The following ARID3A variants were observed in gnomAD, a reference collection of about 807,000 sequenced individuals.
ARID3A encodes AT-rich interaction domain 3A, also known as AT-rich interactive domain-containing protein 3A.
ARID3A carries 11 observed loss-of-function variants against 52.7 expected under a neutral mutation model. That is an observed-to-expected ratio of 0.21 (90% CI 0.13 to 0.35). ARID3A has a LOEUF of 0.35. ARID3A is among the 10% of genes least tolerant of loss of function. The pLI, the probability that ARID3A is intolerant of heterozygous loss-of-function variation, is 1.00. For missense variants in ARID3A, 721 were observed against 838.5 expected (o/e 0.86, Z 1.73); for synonymous variants, 404 against 359.4 (o/e 1.12, Z -1.40).
chr19:950,755 A>C (rs956993434), intron 3 of ARID3A, among the ~76,000 whole-genome samples: 1 of 151,932 alleles, frequency 6.6e-6, no homozygotes, highest in African/African-American at 2.4e-5. Context: ...CTTCATGGGG[A>C]TTTGGGAGAT....
intron 1 of ARID3A, chr19:928,690 G>A (rs1373415017): frequency 6.6e-6 from 1 of 152,246 alleles, no homozygotes; most frequent in African/African-American, 2.4e-5. Flanking sequence ...CTCCTTGAGT[G>A]CCATGGGTTG....
rs775703671 is a variant in ARID3A at position 964,420 on chromosome 19, C to T, written c.939C>T (p.Thr313=). 1.6e-5 allele frequency: 25 copies of T among 1,598,582 alleles called. No homozygotes were observed. Among genetic ancestry groups the T allele is most frequent in the Non-Finnish European group, 2.1e-5 (25 of 1,172,572 alleles). The part of the protein sequence containing the change: ...LPTSITSAAF[T]LRTQYMKYLY... The stretch of plus-strand genomic sequence containing the variant: ...CGTCCATCACCAGTGCAGCCTTCAC[C>T]CTGCGGACCCAGTGAGTGGCGGACG... Residue 313 remains threonine (T), a synonymous_variant, in exon 5 of 9, where the codon ACC becomes ACT. Coordinates refer to ENST00000263620, the MANE Select transcript of ARID3A (RefSeq NM_005224.3). This position sits in a 1 kb window ranked among gnomAD's most constrained non-coding sequence, Gnocchi z 5.7.
chr19:947,880 T>C lies in ARID3A; in HGVS notation c.694-12212T>C, dbSNP rs2037720441. On this transcript the variant is annotated intron_variant, in intron 3 of 8. Transcript: ENST00000263620. This position sits in a 1 kb window ranked among gnomAD's most constrained non-coding sequence, Gnocchi z 6.3. The stretch of plus-strand genomic sequence containing the variant: ...CCAATTTCCCCACGCCCGGCGGGGC[T>C]CTCAGCATCTGCATCCGCCGAGGCC... 6.6e-6 allele frequency among the ~76,000 whole-genome samples: 1 copy of C among 152,112 alleles called. No homozygotes were observed. Among genetic ancestry groups the C allele is most frequent in the East Asian group, 1.9e-4 (1 of 5,170 alleles).
chr19:953,578 G>A (rs1299016862), intron 3 of ARID3A, among the ~76,000 whole-genome samples: 1 of 152,190 alleles, frequency 6.6e-6, no homozygotes, highest in Non-Finnish European at 1.5e-5. Flanking sequence ...CGTGTAACGG[G>A]GCTCGGGCGT....
intron 3 of ARID3A, among the ~76,000 whole-genome samples, chr19:948,873 C>T (rs925927379): frequency 6.6e-6 from 1 of 152,038 alleles, no homozygotes; most frequent in Non-Finnish European, 1.5e-5. Context: ...CCACGCCCGG[C>T]TAATTTTTGT....
intron 6 of ARID3A, among the ~76,000 whole-genome samples, chr19:966,201 T>C (rs1447712972): frequency 1.3e-5 from 2 of 149,878 alleles, no homozygotes; most frequent in East Asian, 2.0e-4. Flanking sequence ...GGCTCACGCC[T>C]GTAATCCCAG....
intron 6 of ARID3A, 181 bp downstream of exon 6, chr19:965,261 C>A (rs2038125167): frequency 2.9e-6 from 2 of 697,804 alleles, no homozygotes; most frequent in Admixed American, 3.2e-5. Context: ...AATCCATCAC[C>A]ATTTTCTAAT....
At chr19:952,994 C>T (rs113362985) in intron 3 of ARID3A, among the ~76,000 whole-genome samples, 1 of 152,176 alleles carries the variant, frequency 6.6e-6, no homozygotes, top group African/African-American at 2.4e-5. Context: ...GTGCTGGCCC[C>T]GGCCACCCTC....
At chr19:953,378 G>A (rs981806646) in intron 3 of ARID3A, among the ~76,000 whole-genome samples, 8 of 151,330 alleles carry the variant, frequency 5.3e-5, no homozygotes, top group African/African-American at 1.5e-4. Flanking sequence ...GCCACCACCC[G>A]AGCCCCGCCA....
chr19:957,720 T>G, intron 3 of ARID3A, among the ~76,000 whole-genome samples: 1 of 152,184 alleles, frequency 6.6e-6, no homozygotes, highest in Non-Finnish European at 1.5e-5. Context: ...GGCGAGTGCC[T>G]GTGGTCCCAG....
At chr19:930,841 C>T (rs2037312036) in intron 2 of ARID3A, among the ~76,000 whole-genome samples, 1 of 151,332 alleles carries the variant, frequency 6.6e-6, no homozygotes, top group African/African-American at 2.4e-5. Flanking sequence ...CTTAAAGCAA[C>T]CTAGCCACCG....
intron 2 of ARID3A, among the ~76,000 whole-genome samples, chr19:932,001 C>CTTT (rs35576679): frequency 2.7e-5 from 4 of 146,624 alleles, no homozygotes; most frequent in Admixed American, 6.8e-5. Context: ...TAATGATTCC[C>CTTT]TTTTTTTTTT....
Position 929,865 on chromosome 19 carries a change from C to A in ARID3A, c.337C>A (p.His113Asn). 1 of 1,543,818 alleles carries A rather than the reference C, an allele frequency of 6.5e-7. No homozygotes were observed. Among genetic ancestry groups the A allele is most frequent in the Non-Finnish European group, 8.7e-7 (1 of 1,146,940 alleles). ...AGGCAGAGAAGGGCCAGGAGAGGAG[C>A]ACTTTGAGGACATGGCCTCCGACGA... ...GRGREGPGEE[H>N]FEDMASDEDM... The change falls in exon 2 of 9, where the codon CAC becomes AAC. Residue 113 changes from histidine (H) to asparagine (N), a missense_variant. Coordinates refer to ENST00000263620, the MANE Select transcript of ARID3A (RefSeq NM_005224.3). The surrounding 1 kb of genome is among the most constrained non-coding windows in gnomAD (Gnocchi z 6.2).
In ARID3A at chr19:971,885, G is replaced by T; in HGVS notation, c.1602G>T (p.Leu534=). 3.1e-6 allele frequency: 5 copies of T among 1,601,136 alleles called. No individual in the cohort carries two copies. Among genetic ancestry groups the T allele is most frequent in the Non-Finnish European group, 4.3e-6 (5 of 1,174,116 alleles). The part of the protein sequence containing the change: ...EINGIMYTGV[L]FAQPPAPTPT... ...CTTCTGTTCTTGCCTTAGGAGTTCT[G>T]TTTGCTCAGCCGCCGGCCCCCACGC... Residue 534 remains leucine (L), a synonymous_variant, in exon 9 of 9, where the codon CTG becomes CTT. Coordinates refer to ENST00000263620, the MANE Select transcript of ARID3A (RefSeq NM_005224.3).
Position 930,961 on chromosome 19 carries a change from C to T in ARID3A, c.368+1065C>T, listed in dbSNP as rs565485702. Among the ~76,000 whole-genome samples the T allele has an allele frequency of 2.6e-5, 4 of 152,258 alleles. No homozygotes were observed. In the East Asian group the frequency reaches 7.7e-4, roughly 29 times the overall value. On this transcript the variant is annotated intron_variant, in intron 2 of 8. Coordinates refer to ENST00000263620, the MANE Select transcript of ARID3A (RefSeq NM_005224.3). ...GCTGAGGGCTCACTTGCTGTGGGAT[C>T]CTGGCCTCCAGGAACCCGCATCTTC...
At chr19:939,052 T>C (rs1352606417) in intron 3 of ARID3A, among the ~76,000 whole-genome samples, 1 of 150,912 alleles carries the variant, frequency 6.6e-6, no homozygotes, top group East Asian at 2.0e-4. Flanking sequence ...TGCCTCAGCC[T>C]CCCAAATAGC....
intron 3 of ARID3A, among the ~76,000 whole-genome samples, chr19:957,120 G>A (rs949585171): frequency 3.7e-4 from 56 of 152,182 alleles, no homozygotes; most frequent in Admixed American, 3.5e-3. Context: ...GGGTGGGGGG[G>A]GGCGCTGGGG....
In ARID3A at chr19:966,759, G is replaced by A. The variant is rs2038165943; in HGVS notation, c.1386G>A (p.Lys462=). 1 of 1,613,388 alleles carries A rather than the reference G, an allele frequency of 6.2e-7. No homozygotes were observed. The highest frequency in any genetic ancestry group is 8.5e-7 in the Non-Finnish European group (1 of 1,179,968). The change falls in exon 7 of 9, where the codon AAG becomes AAA. Residue 462 remains lysine (K), a synonymous_variant. Transcript: ENST00000263620. ...KLESAEPPEK[K]MALVADEQQR... is the part of the protein sequence containing the mutation. Reference sequence around the variant, plus strand: ...AGTCTGCAGAGCCTCCGGAGAAGAAGATGGCCCTGGTGGCCGATGAGCAGC... The same window carrying A: ...AGTCTGCAGAGCCTCCGGAGAAGAAAATGGCCCTGGTGGCCGATGAGCAGC...
At chr19:971,160 A>G (rs930709448) in intron 8 of ARID3A, among the ~76,000 whole-genome samples, 1 of 152,144 alleles carries the variant, frequency 6.6e-6, no homozygotes, top group African/African-American at 2.4e-5. Context: ...CATGTGTGTG[A>G]TGAAGGAGTG....
Sources: allele counts gnomAD v4.1 joint callset (sites outside exome capture counted in the v4.1 genomes callset), GRCh38; gene constraint gnomAD v4.1.1; non-coding constraint Gnocchi (gnomAD v3.1); transcripts MANE v1.5; gene names NCBI Gene and HGNC (gene_info 2026-07-23, HGNC 2026-07-21).